The following NUCKS1 variants were observed in gnomAD, a reference collection of about 807,000 sequenced individuals.
The protein encoded by NUCKS1 is nuclear casein kinase and cyclin dependent kinase substrate 1, also known as nuclear ubiquitous casein and cyclin-dependent kinase substrate 1.
A neutral mutation model predicts 33.0 loss-of-function variants in NUCKS1; 2 were observed. That is an observed-to-expected ratio of 0.06 (90% CI 0.02 to 0.19). NUCKS1 has a LOEUF of 0.19. Among genes scored for constraint, NUCKS1 ranks in the 10% least tolerant of loss-of-function variants. The pLI is 1.00. For missense variants in NUCKS1, 201 were observed against 293.6 expected (o/e 0.68, Z 2.31); for synonymous variants, 106 against 102.8 (o/e 1.03, Z -0.19).
At chr1:205,720,286 G>A (rs1393338562) in intron 5 of NUCKS1, among the ~76,000 whole-genome samples, 1 of 152,056 alleles carries the variant, frequency 6.6e-6, no homozygotes, top group Non-Finnish European at 1.5e-5. Context: ...TAAATAAAGG[G>A]TGCAACCATT....
chr1:205,727,923 C>T, intron 2 of NUCKS1, 118 bp from the exon 3 acceptor site: 3 of 714,432 alleles, frequency 4.2e-6, no homozygotes, highest in Non-Finnish European at 6.9e-6. Context: ...CAGGATTTCC[C>T]AAATAGTTTC....
At position 205,720,639 on chromosome 1, in the gene NUCKS1, C is replaced by T; in HGVS notation, c.244G>A (p.Glu82Lys). ...CGCACATTTTTATGATCTTCTTTTT[C>T]ATCTTCACTATCCTCTGCAATATCA... ...DSHSAEDSED[E>K]KEDHKNVRQQ... The change falls in exon 5 of 7, where the codon GAA becomes AAA. Residue 82 changes from glutamate to lysine, a missense_variant. Transcript: ENST00000367142. 6.2e-7 allele frequency: 1 copy of T among 1,613,550 alleles called. No homozygotes were observed. The highest frequency in any genetic ancestry group is 8.5e-7 in the Non-Finnish European group (1 of 1,179,924).
chr1:205,733,723 A>G (rs1225173354), intron 1 of NUCKS1, among the ~76,000 whole-genome samples: 2 of 152,196 alleles, frequency 1.3e-5, no homozygotes, highest in Non-Finnish European at 2.9e-5. Context: ...ATATTGCATT[A>G]TGATCACAAT....
At chr1:205,735,393 A>G (rs1654010756) in intron 1 of NUCKS1, among the ~76,000 whole-genome samples, 1 of 152,216 alleles carries the variant, frequency 6.6e-6, no homozygotes, top group Admixed American at 6.5e-5. Flanking sequence ...GTTTTGTGGA[A>G]ATACATGCAA....
Position 205,720,481 on chromosome 1 carries a change from C to A in NUCKS1, c.382+20G>T. 1 of 1,601,682 alleles carries A rather than the reference C, an allele frequency of 6.2e-7. No homozygotes were observed. Among genetic ancestry groups the A allele is most frequent in the South Asian group, 1.1e-5 (1 of 88,458 alleles). ...CAATTATGACCAAACAACCAAAGTA[C>A]ACAAAACAACTTCACATACTCTCCT... is the stretch of plus-strand genomic sequence containing the variant. On this transcript the variant is annotated intron_variant, in intron 5 of 6. Coordinates refer to ENST00000367142, the MANE Select transcript of NUCKS1 (RefSeq NM_022731.5).
At chr1:205,748,756 G>A (rs1265266989) in intron 1 of NUCKS1, among the ~76,000 whole-genome samples, 1 of 152,134 alleles carries the variant, frequency 6.6e-6, no homozygotes, top group Non-Finnish European at 1.5e-5. Flanking sequence ...AGGTACTTCC[G>A]TTTCCCACAC....
At position 205,728,497 on chromosome 1, in the gene NUCKS1, G is replaced by C. The variant is rs1021220339; in HGVS notation, c.68-692C>G. ...GATACTCAAAATAGAAATAATAATA[G>C]TATATCACACATTAACAGATTATTC... On this transcript the variant is annotated intron_variant, in intron 2 of 6. Transcript: ENST00000367142. Among the ~76,000 whole-genome samples, 9 of 152,126 alleles carry C rather than the reference G, an allele frequency of 5.9e-5. No homozygotes were observed. In the South Asian group the frequency reaches 1.9e-3, roughly 32 times the overall value.
chr1:205,732,641 C>T (rs184929496), intron 1 of NUCKS1, among the ~76,000 whole-genome samples: 33 of 151,734 alleles, frequency 2.2e-4, no homozygotes, highest in East Asian at 7.8e-4. Context: ...ATTAGCTGGG[C>T]GTGGTGGTGC....
At chr1:205,724,134 T>C (rs1034252539) in intron 3 of NUCKS1, 153 bp from the exon 4 acceptor site, 29 of 695,692 alleles carry the variant, frequency 4.2e-5, no homozygotes, top group South Asian at 2.5e-4. Context: ...TATTTCCTTA[T>C]TTACAGGGAT....
chr1:205,737,494 T>C (rs948551546), intron 1 of NUCKS1, among the ~76,000 whole-genome samples: 2 of 152,236 alleles, frequency 1.3e-5, no homozygotes, highest in Admixed American at 6.5e-5. Flanking sequence ...GGTAACAATC[T>C]ATTTATTTGT....
At chr1:205,721,072 G>C (rs1671907872) in intron 4 of NUCKS1, among the ~76,000 whole-genome samples, 1 of 147,628 alleles carries the variant, frequency 6.8e-6, no homozygotes, top group African/African-American at 2.5e-5. Flanking sequence ...AGAACACATG[G>C]ACACAGGGAG....
In NUCKS1 at chr1:205,750,156, C is replaced by A; in HGVS notation, c.-183G>T. The A allele has an allele frequency of 1.1e-5, 7 of 644,698 alleles. No homozygotes were observed. Among genetic ancestry groups the A allele is most frequent in the South Asian group, 9.1e-5 (5 of 55,084 alleles). The allele number at this position is 644,698 out of a possible 1,614,324, so 39.9% of individuals were successfully genotyped here. On this transcript the variant is annotated 5_prime_UTR_variant, in exon 1 of 7. Transcript: ENST00000367142. ...AGGGCTCCTGGAACAGACGAGCCCC[C>A]CGCTCCCCCGTCTCTTCAAAATGGA...
intron 4 of NUCKS1, 50 bp from the exon 5 acceptor site, chr1:205,720,703 G>A (rs560543041): frequency 6.6e-7 from 1 of 1,520,946 alleles, no homozygotes; most frequent in Admixed American, 1.9e-5. Context: ...TTTTATATTT[G>A]ACAAGATAGT....
chr1:205,730,592 G>C lies in NUCKS1; in HGVS notation c.18-971C>G, dbSNP rs61377167. ...CAACCTCTGCCTCCCAAGTTCAAGC[G>C]ATTCTCCTGCTTCAGCCTCCCGAGT... On this transcript the variant is annotated intron_variant, in intron 1 of 6. Coordinates refer to ENST00000367142, the MANE Select transcript of NUCKS1 (RefSeq NM_022731.5). Among the ~76,000 whole-genome samples the C allele has an allele frequency of 1.8e-3, 275 of 151,428 alleles. 1 individual carries two copies. Among genetic ancestry groups the C allele is most frequent in the African/African-American group, 6.2e-3 (255 of 41,252 alleles).
In NUCKS1 at chr1:205,716,517, G is replaced by A. The variant is rs768416215; in HGVS notation, c.*1763C>T. The A allele has an allele frequency of 7.2e-5, 11 of 152,130 alleles. No individual in the cohort carries two copies. The highest frequency in any genetic ancestry group is 1.5e-4 in the Non-Finnish European group (10 of 68,018). The allele number at this position is 152,130 out of a possible 1,614,324, so 9.4% of individuals were successfully genotyped here. A position where few individuals can be genotyped will look rare whatever the true frequency, so the allele number is the denominator to read the frequency against. On this transcript the variant is annotated 3_prime_UTR_variant, in exon 7 of 7. Transcript: ENST00000367142. Reference sequence around the variant, plus strand: ...TGATCCAACTGCTATTTATGTTCAAGTCCTGTATTTTTGGCCATGTAACTG... The same window carrying A: ...TGATCCAACTGCTATTTATGTTCAAATCCTGTATTTTTGGCCATGTAACTG...
chr1:205,735,004 G>A (rs1654002717), intron 1 of NUCKS1, among the ~76,000 whole-genome samples: 1 of 152,090 alleles, frequency 6.6e-6, no homozygotes, highest in Non-Finnish European at 1.5e-5. Flanking sequence ...GGCTTGCTTT[G>A]TCTGGGGTTG....
At chr1:205,736,099 G>A (rs562599316) in intron 1 of NUCKS1, among the ~76,000 whole-genome samples, 25 of 152,108 alleles carry the variant, frequency 1.6e-4, no homozygotes, top group Non-Finnish European at 1.8e-4. Context: ...TTACAGGTGT[G>A]TGTCACAACA....
chr1:205,717,554 C>T lies in NUCKS1; in HGVS notation c.*726G>A, dbSNP rs569274061. 1.4e-5 allele frequency: 14 copies of T among 984,238 alleles called. No homozygotes were observed. The South Asian group carries it at 2.4e-4, about 17-fold the overall frequency. 61.0% of individuals were successfully genotyped at this position (984,238 alleles called of 1,614,324 possible). ...AGCAGGATAAAAGGATCACTGGCTC[C>T]GAGTCTCTTTGAGATAACAAGTGAT... On this transcript the variant is annotated 3_prime_UTR_variant, in exon 7 of 7. Coordinates refer to ENST00000367142, the MANE Select transcript of NUCKS1 (RefSeq NM_022731.5).
intron 2 of NUCKS1, 59 bp downstream of exon 2, chr1:205,729,513 A>C: frequency 1.8e-6 from 2 of 1,095,254 alleles, no homozygotes; most frequent in Admixed American, 3.7e-5. Flanking sequence ...AAAACTATAT[A>C]AGCTGGTAAC....
Sources: gnomAD v4.1 joint callset for allele counts (sites outside exome capture counted in the v4.1 genomes callset) on GRCh38, gnomAD v4.1.1 for gene constraint, MANE v1.5 for transcripts, NCBI Gene and HGNC (gene_info 2026-07-23, HGNC 2026-07-21) for gene names.